The following PBRM1 variants were observed in gnomAD, a reference collection of about 807,000 sequenced individuals.
The protein encoded by PBRM1 is polybromo 1, also known as protein polybromo-1.
Under a neutral mutation model 194.5 loss-of-function variants are expected in PBRM1, and 27 were observed. That is an observed-to-expected ratio of 0.14 (90% CI 0.10 to 0.19). The LOEUF (loss-of-function observed/expected upper bound fraction) is 0.19. PBRM1 is among the 10% of genes least tolerant of loss of function. The pLI, the probability that PBRM1 is intolerant of heterozygous loss-of-function variation, is 1.00. For synonymous variants in PBRM1, 655 were observed against 693.2 expected (o/e 0.94, Z 0.87); for missense variants, 1,466 against 2,077.2 (o/e 0.71, Z 5.72).
At chr3:52,616,475 C>T (rs2094958517) in intron 14 of PBRM1, among the ~76,000 whole-genome samples, 1 of 152,132 alleles carries the variant, frequency 6.6e-6, no homozygotes, top group Admixed American at 6.5e-5. Flanking sequence ...AGGGGGATCA[C>T]GACGTCAGGA....
chr3:52,595,772 T>C (rs1576392573), intron 17 of PBRM1, among the ~76,000 whole-genome samples: 1 of 152,236 alleles, frequency 6.6e-6, no homozygotes, highest in Non-Finnish European at 1.5e-5. Context: ...AGTAGTTTCA[T>C]AGTTTCAGGT....
At chr3:52,683,787 C>T (rs948987105), upstream of PBRM1, among the ~76,000 whole-genome samples, 1 of 52,756 alleles carries the variant, frequency 1.9e-5, no homozygotes, top group Non-Finnish European at 3.9e-5. Flanking sequence ...CACTGCACTC[C>T]AGGCTGGGGG....
At chr3:52,653,169 C>A (rs188417692) in intron 5 of PBRM1, among the ~76,000 whole-genome samples, 1 of 152,250 alleles carries the variant, frequency 6.6e-6, no homozygotes, top group East Asian at 1.9e-4. Flanking sequence ...CATAAACTTT[C>A]ATAAGGATCT....
chr3:52,623,830 C>T (rs1191786903), intron 13 of PBRM1, among the ~76,000 whole-genome samples: 1 of 152,212 alleles, frequency 6.6e-6, no homozygotes, highest in Non-Finnish European at 1.5e-5. Context: ...GGTTGTAACA[C>T]TACCCAGTGA....
Position 52,610,117 on chromosome 3 carries a change from T to A in PBRM1, c.1925-162A>T, listed in dbSNP as rs2590841. 0.029 allele frequency among the ~76,000 whole-genome samples: 4,345 copies of A among 152,100 alleles called. 215 individuals are homozygous for A. The highest frequency in any genetic ancestry group is 0.1 in the African/African-American group (4,153 of 41,474). On this transcript the variant is annotated intron_variant, in intron 15 of 29. Coordinates refer to ENST00000296302, the Ensembl canonical transcript of PBRM1. The stretch of plus-strand genomic sequence containing the variant: ...CCTGCAGACAAAAAAGTACTAAAAA[T>A]TTTTTTTAACTGTTTTCAGTAATTA...
chr3:52,674,627 CAA>C (rs869059650), intron 2 of PBRM1, among the ~76,000 whole-genome samples: 183 of 109,042 alleles, frequency 1.7e-3, no homozygotes, highest in East Asian at 4.6e-3. Context: ...CTGTCTCTAC[CAA>C]AAAAAAAAAA....
chr3:52,547,303 C>G (rs1330787571), downstream of PBRM1: 1 of 232,928 alleles, frequency 4.3e-6, no homozygotes, highest in Admixed American at 5.6e-5. Context: ...TCACTGACAC[C>G]ATAGTCTAAC....
rs1160562405 is a variant in PBRM1, at chr3:52,581,870, T to C, written c.3388-2671A>G. Among the ~76,000 whole-genome samples the C allele has an allele frequency of 2.6e-5, 4 of 152,098 alleles. No individual in the cohort carries two copies. In the East Asian group the frequency reaches 7.8e-4, roughly 30 times the overall value. On this transcript the variant is annotated intron_variant, in intron 20 of 29. Transcript: ENST00000296302. Reference sequence around the variant, plus strand: ...CCTGGATGGTCGTGATCTCCTGACCTTGTGATCTGCCCGCCTCAGCCTCCC... The same window carrying C: ...CCTGGATGGTCGTGATCTCCTGACCCTGTGATCTGCCCGCCTCAGCCTCCC...
intron 22 of PBRM1, among the ~76,000 whole-genome samples, chr3:52,573,045 G>A (rs1421251819): frequency 6.6e-6 from 1 of 152,004 alleles, no homozygotes. Flanking sequence ...TTCATTATAT[G>A]CCTGTTGTCC....
In PBRM1 at chr3:52,678,499, C is replaced by T. The variant is rs2154056937; in HGVS notation, c.236+1G>A. On this transcript the variant is annotated splice_donor_variant, in intron 2 of 29. Transcript: ENST00000296302. LOFTEE classifies it high-confidence loss of function. ...ACTGTACTGATGTGCTTCGAACTCA[C>T]CTTCGCTTTGGTGCCCTAATGAAGA... is the stretch of plus-strand genomic sequence containing the variant. The T allele has an allele frequency of 6.3e-7, 1 of 1,599,486 alleles. No homozygotes were observed. Among genetic ancestry groups the T allele is most frequent in the African/African-American group, 1.3e-5 (1 of 74,754 alleles).
At chr3:52,582,627 G>A (rs780725338) in intron 20 of PBRM1, among the ~76,000 whole-genome samples, 5 of 151,444 alleles carry the variant, frequency 3.3e-5, no homozygotes, top group African/African-American at 7.3e-5. Flanking sequence ...GCACCCGACC[G>A]GATAATTCTG....
At chr3:52,634,549 G>A (rs1377062322) in intron 11 of PBRM1, 53 bp downstream of exon 12, 6 of 1,182,376 alleles carry the variant, frequency 5.1e-6, no homozygotes, top group Non-Finnish European at 1.3e-6. Context: ...ATTATGTGCA[G>A]GCTCAGCCAC....
chr3:52,569,557 A>G (rs2086398475), intron 22 of PBRM1, among the ~76,000 whole-genome samples: 1 of 152,130 alleles, frequency 6.6e-6, no homozygotes, highest in Non-Finnish European at 1.5e-5. Flanking sequence ...ACTTCCTCAC[A>G]AGCAAATTCC....
At chr3:52,649,872 G>A (rs545025140) in intron 6 of PBRM1, among the ~76,000 whole-genome samples, 97 of 152,266 alleles carry the variant, frequency 6.4e-4, no homozygotes, top group South Asian at 1.0e-3. Flanking sequence ...AGGTGACTCT[G>A]AGACTTTTGG....
In PBRM1 at chr3:52,612,258, C is replaced by CAAAAA. The variant is rs566481465; in HGVS notation, c.1925-2308_1925-2304dup. On this transcript the variant is annotated intron_variant, in intron 15 of 29. Transcript: ENST00000296302. ...TAGGCAACAGAGCGAGATTCCGTCT[C>CAAAAA]AAAAAAAAAAAAAAAAAAAAAAAAG... is the stretch of plus-strand genomic sequence containing the variant. Among the ~76,000 whole-genome samples the CAAAAA allele has an allele frequency of 1.6e-3, 38 of 23,998 alleles. 3 individuals are homozygous for CAAAAA. The highest frequency in any genetic ancestry group is 3.8e-3 in the African/African-American group (24 of 6,330). The allele number at this position is 23,998 out of a possible 152,430, so 15.7% of individuals were successfully genotyped here.
At chr3:52,583,514 G>A (rs928533743) in intron 20 of PBRM1, among the ~76,000 whole-genome samples, 2 of 151,696 alleles carry the variant, frequency 1.3e-5, no homozygotes, top group Non-Finnish European at 2.9e-5. Flanking sequence ...CATCCTGTTA[G>A]GTATTATACA....
At chr3:52,579,645 ACT>A (rs1350907285) in intron 20 of PBRM1, among the ~76,000 whole-genome samples, 3 of 151,806 alleles carry the variant, frequency 2.0e-5, no homozygotes, top group Non-Finnish European at 4.4e-5. Context: ...ATAAAGAGAA[ACT>A]CTGAAGGAGG....
At chr3:52,599,255 A>G (rs958421070) in intron 17 of PBRM1, among the ~76,000 whole-genome samples, 4 of 152,210 alleles carry the variant, frequency 2.6e-5, no homozygotes, top group Non-Finnish European at 4.4e-5. Flanking sequence ...GATACAACGT[A>G]TAACAATCAA....
chr3:52,563,392 A>G (rs2084190647), exon 24 of PBRM1: 1 of 1,613,998 alleles, frequency 6.2e-7, no homozygotes, highest in African/African-American at 1.3e-5. Context: ...CATCTCTTCA[A>G]TATCATCATC....
Sources: allele counts gnomAD v4.1 joint callset (sites outside exome capture counted in the v4.1 genomes callset), GRCh38; gene constraint gnomAD v4.1.1; transcripts MANE v1.5; gene names NCBI Gene and HGNC (gene_info 2026-07-23, HGNC 2026-07-21).